MEF2C: variants seen among roughly 807,000 people sequenced by gnomAD.
The protein encoded by MEF2C is myocyte enhancer factor 2C, also known as myocyte-specific enhancer factor 2C.
In MEF2C, 6 loss-of-function variants were observed where a neutral mutation model predicts 50.5. The observed-to-expected ratio is 0.12, with a 90% CI of 0.07 to 0.23. The LOEUF (loss-of-function observed/expected upper bound fraction) is 0.23. Among genes scored for constraint, MEF2C ranks in the 10% least tolerant of loss-of-function variants. The probability of loss-of-function intolerance (pLI) is 1.00; values close to 1 mark genes in which losing one functional copy is unlikely to be tolerated. For synonymous variants in MEF2C, 183 were observed against 228.0 expected (o/e 0.80, Z 1.78); for missense variants, 276 against 605.0 (o/e 0.46, Z 5.70).
chr5:88,862,547 GA>G (rs532987537), intron 1 of MEF2C, among the ~76,000 whole-genome samples: 235 of 146,532 alleles, frequency 1.6e-3, no homozygotes, highest in Middle Eastern at 3.5e-3. Context: ...GAACAAGAAG[GA>G]AAAAAAAAAC....
At chr5:88,836,818 AG>A (rs1296627947) in intron 1 of MEF2C, among the ~76,000 whole-genome samples, 1 of 152,182 alleles carries the variant, frequency 6.6e-6, no homozygotes, top group Non-Finnish European at 1.5e-5. Context: ...ATAGATCAGA[AG>A]TTACTAAAAT....
chr5:88,790,657 T>C (rs1793324003), intron 3 of MEF2C, among the ~76,000 whole-genome samples: 1 of 152,130 alleles, frequency 6.6e-6, no homozygotes, highest in Admixed American at 6.6e-5. Flanking sequence ...AAACAACATT[T>C]ACTCACTCTA....
chr5:88,726,205 T>C lies in MEF2C; in HGVS notation c.1100+2288A>G, dbSNP rs575952191. 3.1e-4 allele frequency among the ~76,000 whole-genome samples: 47 copies of C among 152,268 alleles called. No individual in the cohort carries two copies. In the South Asian group the frequency reaches 3.5e-3, roughly 11 times the overall value. On this transcript the variant is annotated intron_variant, in intron 10 of 10. Transcript: ENST00000504921. ...GGTAACCATCTTGGGCTGCTGGGAA[T>C]ATCTACTTTGGTGGAGCTGAAATAT...
rs1006328097 is a variant in MEF2C at position 88,719,453 on chromosome 5, C to A, written c.*3151G>T. 1.3e-5 allele frequency: 2 copies of A among 152,188 alleles called. No individual in the cohort carries two copies. The highest frequency in any genetic ancestry group is 6.5e-5 in the Admixed American group (1 of 15,276). 9.4% of individuals were successfully genotyped at this position (152,188 alleles called of 1,614,324 possible). A position where few individuals can be genotyped will look rare whatever the true frequency, so the allele number is the denominator to read the frequency against. ...ATTCAAGCTTCATATTACCAAAAAT[C>A]TTTTAAAATAGGATTAGATATAACA... On this transcript the variant is annotated 3_prime_UTR_variant, in exon 11 of 11. Transcript: ENST00000504921.
chr5:88,797,569 C>T (rs1369797335), intron 3 of MEF2C, among the ~76,000 whole-genome samples: 1 of 141,726 alleles, frequency 7.1e-6, no homozygotes, highest in African/African-American at 2.6e-5. Flanking sequence ...CTCCTGAATA[C>T]AGCACACAGA....
intron 6 of MEF2C, among the ~76,000 whole-genome samples, chr5:88,732,123 AC>A (rs985067983): frequency 2.3e-4 from 35 of 152,324 alleles, no homozygotes; most frequent in African/African-American, 7.5e-4. Context: ...GAGCCAATAT[AC>A]ATCAACTTGC....
intron 3 of MEF2C, chr5:88,780,983 C>A (rs989554236): frequency 2.1e-6 from 2 of 974,782 alleles, no homozygotes; most frequent in African/African-American, 3.5e-5. Flanking sequence ...ACTAAGAGAA[C>A]TTGGGCAAGC....
chr5:88,809,650 C>G (rs945411033), intron 2 of MEF2C, among the ~76,000 whole-genome samples: 1 of 151,912 alleles, frequency 6.6e-6, no homozygotes, highest in Non-Finnish European at 1.5e-5. Flanking sequence ...TGGGTGAATT[C>G]AGTTTTTTTT....
At chr5:88,804,999 G>A (rs925825612) in intron 2 of MEF2C, among the ~76,000 whole-genome samples, 198 bp from the exon 3 acceptor site, 1 of 152,044 alleles carries the variant, frequency 6.6e-6, no homozygotes, top group Admixed American at 6.6e-5. Context: ...TTTCTAGCTT[G>A]CTGCTGAATG....
At chr5:88,778,211 A>G (rs1785893442) in intron 3 of MEF2C, among the ~76,000 whole-genome samples, 1 of 152,110 alleles carries the variant, frequency 6.6e-6, no homozygotes. Flanking sequence ...CCCGGCTGCT[A>G]AATGTTTCAA....
intron 1 of MEF2C, among the ~76,000 whole-genome samples, chr5:88,888,589 G>C (rs1427107397): frequency 6.6e-6 from 1 of 152,200 alleles, no homozygotes; most frequent in African/African-American, 2.4e-5. Flanking sequence ...GTGATTTGGT[G>C]AGTTCTCTTT....
intron 2 of MEF2C, among the ~76,000 whole-genome samples, chr5:88,820,894 T>C (rs1246945032): frequency 2.6e-5 from 4 of 151,976 alleles, no homozygotes; most frequent in Non-Finnish European, 4.4e-5. Context: ...AAGACAAGCA[T>C]TTATATGTAA....
At chr5:88,786,275 G>A (rs1352378162) in intron 3 of MEF2C, among the ~76,000 whole-genome samples, 1 of 152,106 alleles carries the variant, frequency 6.6e-6, no homozygotes, top group Non-Finnish European at 1.5e-5. Flanking sequence ...CTACCCTCTG[G>A]CAAACAGACC....
chr5:88,812,337 A>T (rs1421143523), intron 2 of MEF2C, among the ~76,000 whole-genome samples: 1 of 152,172 alleles, frequency 6.6e-6, no homozygotes, highest in Non-Finnish European at 1.5e-5. Context: ...TGTTTTTTGT[A>T]ATCCAAAATG....
intron 2 of MEF2C, among the ~76,000 whole-genome samples, chr5:88,814,074 C>T (rs1018874876): frequency 1.3e-5 from 2 of 152,044 alleles, no homozygotes; most frequent in African/African-American, 2.4e-5. Context: ...CACAGGTCTT[C>T]CTATGTGTTT....
intron 1 of MEF2C, among the ~76,000 whole-genome samples, chr5:88,838,151 G>A (rs1251290761): frequency 6.6e-6 from 1 of 152,118 alleles, no homozygotes; most frequent in Non-Finnish European, 1.5e-5. Flanking sequence ...TAATATTCAA[G>A]GGAGTACTTA....
At chr5:88,734,581 T>G (rs868094791) in intron 6 of MEF2C, 304 of 958,732 alleles carry the variant, frequency 3.2e-4, no homozygotes, top group South Asian at 1.7e-3. Context: ...TTTTTTTTTT[T>G]TTTTTTTTTT....
chr5:88,851,415 C>A (rs1821315870), intron 1 of MEF2C, among the ~76,000 whole-genome samples: 1 of 151,996 alleles, frequency 6.6e-6, no homozygotes, highest in African/African-American at 2.4e-5. Flanking sequence ...GTAACCCTAA[C>A]CTCCACATTG....
At chr5:88,873,342 A>C (rs1183020158) in intron 1 of MEF2C, among the ~76,000 whole-genome samples, 1 of 152,050 alleles carries the variant, frequency 6.6e-6, no homozygotes, top group Admixed American at 6.6e-5. Flanking sequence ...CTCAAGTGTA[A>C]GGAGGTAAGT....
Sources: gnomAD v4.1 joint callset for allele counts (sites outside exome capture counted in the v4.1 genomes callset) on GRCh38, gnomAD v4.1.1 for gene constraint, MANE v1.5 for transcripts, NCBI Gene and HGNC (gene_info 2026-07-23, HGNC 2026-07-21) for gene names.